Variants in DMD observed in about 807,000 individuals in gnomAD.
DMD encodes mutant dystrophin.
Under a neutral mutation model 330.1 loss-of-function variants are expected in DMD, and 63 were observed. The ratio of observed to expected loss-of-function variants is 0.19; its 90% CI spans 0.16 to 0.24. DMD has a LOEUF of 0.24. Ranked by LOEUF, DMD falls within the 10% of genes least tolerant of loss-of-function variation. DMD has a pLI of 1.00. For synonymous variants in DMD, 1,223 were observed against 959.8 expected, an observed-to-expected ratio of 1.27 and a Z score of -5.07; for missense variants, 3,344 against 2,684.1, an observed-to-expected ratio of 1.25 and a Z score of -5.43.
At chrX:32,260,103 G>C (rs1177178903) in intron 43 of DMD, among the ~76,000 whole-genome samples, 1 of 111,152 alleles carries the variant, frequency 9.0e-6, no homozygotes, top group African/African-American at 3.3e-5. Context: ...GTTCCCTTGA[G>C]GTTTCGTGAG....
intron 7 of DMD, among the ~76,000 whole-genome samples, chrX:32,736,779 G>T (rs1230067691): frequency 5.2e-5 from 5 of 96,698 alleles, no homozygotes; most frequent in African/African-American, 2.1e-4. Flanking sequence ...GGTGGGGGGA[G>T]GGGGTAGGGA....
intron 59 of DMD, among the ~76,000 whole-genome samples, chrX:31,458,644 G>A (rs1239703929): frequency 9.1e-6 from 1 of 109,865 alleles, no homozygotes; most frequent in Non-Finnish European, 1.9e-5. Context: ...GTATGATTTA[G>A]TGCCCTCAAA....
At chrX:32,476,799 T>C (rs1409154174) in intron 21 of DMD, among the ~76,000 whole-genome samples, 1 of 111,721 alleles carries the variant, frequency 9.0e-6, no homozygotes, top group African/African-American at 3.2e-5. Context: ...GAGATATCTG[T>C]AGATGCTGCC....
intron 63 of DMD, among the ~76,000 whole-genome samples, chrX:31,238,152 G>T (rs1000091061): frequency 2.7e-5 from 3 of 111,688 alleles, no homozygotes; most frequent in Non-Finnish European, 5.6e-5. Flanking sequence ...CTCATGGATG[G>T]CCCTGAAGTC....
rs376143404 is a variant in DMD, at chrX:32,389,590, T to A, written c.4429A>T (p.Ile1477Phe). The A allele has an allele frequency of 2.5e-6, 3 of 1,209,233 alleles. No individual in the cohort carries two copies. The highest frequency in any genetic ancestry group is 3.4e-6 in the Non-Finnish European group (3 of 894,740). The part of the protein sequence containing the change: ...FEQRLQESKM[I>F]LDEVKMHLPA... ...AAGTGCATCTTCACTTCATCTAAAA[T>A]CATCTTACTTTCTTGTAGACGCTGC... Residue 1477 changes from isoleucine (I) to phenylalanine (F), a missense_variant, in exon 32 of 79, where the codon ATT becomes TTT. Ile to Phe is a conservative substitution (Grantham distance 21). Coordinates refer to ENST00000357033, the MANE Select transcript of DMD (RefSeq NM_004006.3).
At chrX:32,086,834 GAAGAAA>G (rs1380831935) in intron 44 of DMD, among the ~76,000 whole-genome samples, 1 of 111,417 alleles carries the variant, frequency 9.0e-6, no homozygotes, top group Non-Finnish European at 1.9e-5. Context: ...AAAGTCTTCC[GAAGAAA>G]AAGAAAAAGT....
At chrX:31,251,098 A>AC (rs1569503047) in intron 63 of DMD, among the ~76,000 whole-genome samples, 6 of 107,262 alleles carry the variant, frequency 5.6e-5, no homozygotes, top group African/African-American at 2.0e-4. Flanking sequence ...CAAAAAAAAA[A>AC]ACCCACCACC....
intron 1 of DMD, among the ~76,000 whole-genome samples, chrX:33,231,957 G>C (rs1352502212): frequency 9.0e-6 from 1 of 111,069 alleles, no homozygotes; most frequent in Non-Finnish European, 1.9e-5. Context: ...CAATTTATAG[G>C]GGTCAGCTTC....
chrX:31,346,980 T>TGACA, intron 61 of DMD, among the ~76,000 whole-genome samples: 1 of 74,235 alleles, frequency 1.3e-5, no homozygotes, highest in Non-Finnish European at 2.4e-5. Flanking sequence ...ACAGCCTGGG[T>TGACA]GACAGAATGA....
At chrX:32,657,566 A>C (rs948460048) in intron 9 of DMD, among the ~76,000 whole-genome samples, 1 of 111,859 alleles carries the variant, frequency 8.9e-6, no homozygotes, top group African/African-American at 3.2e-5. Context: ...CCCAGTAAAC[A>C]AACCGACATT....
intron 62 of DMD, among the ~76,000 whole-genome samples, chrX:31,282,569 T>C (rs2052705138): frequency 8.9e-6 from 1 of 111,949 alleles, no homozygotes; most frequent in Non-Finnish European, 1.9e-5. Context: ...AAATCCATTA[T>C]TTAACAGCAG....
chrX:31,691,068 G>T (rs1251004364), intron 52 of DMD, among the ~76,000 whole-genome samples: 1 of 110,000 alleles, frequency 9.1e-6, no homozygotes, highest in Non-Finnish European at 1.9e-5. Context: ...GTATAGATAT[G>T]TAACAAACCT....
chrX:32,669,946 C>T (rs762565986), intron 9 of DMD, among the ~76,000 whole-genome samples: 1 of 111,518 alleles, frequency 9.0e-6, no homozygotes, highest in African/African-American at 3.3e-5. Context: ...GCCCTACACA[C>T]GAAACGAACA....
intron 29 of DMD, among the ~76,000 whole-genome samples, chrX:32,424,224 G>T (rs1018034460): frequency 7.3e-5 from 8 of 109,717 alleles, no homozygotes; most frequent in African/African-American, 2.3e-4. Context: ...AAAGACAAAG[G>T]TTTTTTGCAG....
intron 1 of DMD, among the ~76,000 whole-genome samples, chrX:33,268,281 C>T (rs1323736616): frequency 1.6e-4 from 18 of 110,980 alleles, no homozygotes; most frequent in Non-Finnish European, 2.4e-4. Context: ...TGAGGCACTG[C>T]GCCCGGCCGG....
chrX:32,393,637 A>C lies in DMD; in HGVS notation c.4234-3456T>G, dbSNP rs771417592. On this transcript the variant is annotated intron_variant, in intron 30 of 78. Coordinates refer to ENST00000357033, the MANE Select transcript of DMD (RefSeq NM_004006.3). ...GGGAAACAGGGTACATTTGTATAAT[A>C]TGTATTTTTTCAGTGTTTTCAAGCG... Among the ~76,000 whole-genome samples the C allele has an allele frequency of 2.1e-4, 23 of 111,465 alleles. No homozygotes were observed. The East Asian group carries it at 2.5e-3, about 12-fold the overall frequency.
At chrX:32,991,053 AT>A (rs774164284) in intron 2 of DMD, among the ~76,000 whole-genome samples, 2 of 111,314 alleles carry the variant, frequency 1.8e-5, no homozygotes, top group Non-Finnish European at 3.8e-5. Flanking sequence ...GTTAAAATTC[AT>A]TTTTTCCAAT....
At chrX:32,296,697 G>A (rs1470966841) in intron 42 of DMD, among the ~76,000 whole-genome samples, 1 of 111,313 alleles carries the variant, frequency 9.0e-6, no homozygotes, top group Non-Finnish European at 1.9e-5. Flanking sequence ...CAGAAGTTGT[G>A]AGTGTTCTCT....
intron 1 of DMD, among the ~76,000 whole-genome samples, chrX:33,119,383 C>T (rs1486848026): frequency 8.9e-6 from 1 of 112,294 alleles, no homozygotes; most frequent in African/African-American, 3.2e-5. Flanking sequence ...CACTATTATC[C>T]ACCATCAACT....
Sources: allele counts gnomAD v4.1 joint callset (sites outside exome capture counted in the v4.1 genomes callset), GRCh38; gene constraint gnomAD v4.1.1; transcripts MANE v1.5; gene names NCBI Gene and HGNC (gene_info 2026-07-23, HGNC 2026-07-21).